Variants in KCNN1 observed in about 807,000 individuals in gnomAD.
The protein encoded by KCNN1 is potassium calcium-activated channel subfamily N member 1, also known as small conductance calcium-activated potassium channel protein 1.
Under a neutral mutation model 44.7 loss-of-function variants are expected in KCNN1, and 20 were observed. The observed-to-expected ratio is 0.45, with a 90% CI of 0.32 to 0.65. The LOEUF (loss-of-function observed/expected upper bound fraction) is 0.65. Among genes scored for constraint, KCNN1 ranks in the 30% least tolerant of loss-of-function variants. The probability of loss-of-function intolerance (pLI) is 0.05; values close to 1 mark genes in which losing one functional copy is unlikely to be tolerated. For missense variants in KCNN1, 632 were observed against 785.3 expected, an observed-to-expected ratio of 0.80 and a Z score of 2.33; for synonymous variants, 324 against 341.7, an observed-to-expected ratio of 0.95 and a Z score of 0.57.
chr19:17,987,311 T>A (rs1424413950), intron 5 of KCNN1, among the ~76,000 whole-genome samples: 2 of 152,102 alleles, frequency 1.3e-5, no homozygotes, highest in Admixed American at 6.5e-5. Context: ...GGTTTCACCA[T>A]GTCGACCAGG....
At chr19:17,952,682 C>T (rs775154967) in intron 1 of KCNN1, among the ~76,000 whole-genome samples, 15 of 152,184 alleles carry the variant, frequency 9.9e-5, no homozygotes, top group Non-Finnish European at 1.5e-4. Context: ...CCGTTGCCCC[C>T]TCCTCCCTCT....
rs778124302 is a variant in KCNN1 at position 17,993,606 on chromosome 19, C to T, written c.1377+47C>T. The T allele has an allele frequency of 1.8e-5, 26 of 1,475,408 alleles. No individual in the cohort carries two copies. The highest frequency in any genetic ancestry group is 9.0e-5 in the East Asian group (4 of 44,340). The allele number at this position is 1,475,408 out of a possible 1,614,324, so 91.4% of individuals were successfully genotyped here. On this transcript the variant is annotated intron_variant, in intron 9 of 9. Coordinates refer to ENST00000684775, the MANE Select transcript of KCNN1 (RefSeq NM_001386974.1). The surrounding 1 kb of genome is among the most constrained non-coding windows in gnomAD (Gnocchi z 4.5). ...GGGCCAGACAGGGCAGGTGGGGCCCCGGAGCAGATGGGATGGGGCTCAGCT... is the reference window on the plus strand; with the variant it reads ...GGGCCAGACAGGGCAGGTGGGGCCCTGGAGCAGATGGGATGGGGCTCAGCT...
intron 2 of KCNN1, among the ~76,000 whole-genome samples, chr19:17,958,429 G>A (rs541738156): frequency 1.6e-4 from 24 of 151,328 alleles, no homozygotes; most frequent in Non-Finnish European, 2.9e-4. Flanking sequence ...AGTGAGCTCT[G>A]ACTGCACCAC....
upstream of KCNN1, among the ~76,000 whole-genome samples, chr19:17,965,093 C>A (rs990521782): frequency 2.1e-4 from 32 of 151,782 alleles, no homozygotes; most frequent in African/African-American, 7.5e-4. Flanking sequence ...GGTGAAACCC[C>A]GTCTCTACTA....
At chr19:17,956,029 C>T (rs1378025169) in intron 2 of KCNN1, among the ~76,000 whole-genome samples, 5 of 152,110 alleles carry the variant, frequency 3.3e-5, no homozygotes, top group Non-Finnish European at 7.4e-5. Flanking sequence ...CTCCACCCCA[C>T]CGGGTTCAAG....
chr19:17,955,674 G>A (rs1780819692), intron 2 of KCNN1, among the ~76,000 whole-genome samples: 1 of 151,730 alleles, frequency 6.6e-6, no homozygotes, highest in Admixed American at 6.6e-5. Flanking sequence ...CCTCCGGGGA[G>A]TTACTGTCCA....
intron 7 of KCNN1, among the ~76,000 whole-genome samples, chr19:17,990,813 A>G (rs988327877): frequency 2.7e-5 from 4 of 150,816 alleles, no homozygotes; most frequent in East Asian, 1.9e-4. Context: ...AAAAAAAAAA[A>G]AGAAAGAAAA....
At chr19:17,979,941 C>G (rs1208336934) in intron 3 of KCNN1, among the ~76,000 whole-genome samples, 1 of 152,054 alleles carries the variant, frequency 6.6e-6, no homozygotes, top group African/African-American at 2.4e-5. Context: ...GGCACCCACA[C>G]CTGGAATCTC....
At chr19:17,988,780 G>A (rs966166949) in intron 6 of KCNN1, among the ~76,000 whole-genome samples, 2 of 151,942 alleles carry the variant, frequency 1.3e-5, no homozygotes, top group South Asian at 4.2e-4. Flanking sequence ...GCATGGTGAC[G>A]GACGCCTGTA....
In KCNN1 at chr19:17,967,219, C is replaced by G. The variant is rs1324520990; in HGVS notation, c.-180C>G. 13 of 979,592 alleles carry G rather than the reference C, an allele frequency of 1.3e-5. No homozygotes were observed. Among genetic ancestry groups the G allele is most frequent in the South Asian group, 4.6e-5 (1 of 21,954 alleles). 60.7% of individuals were successfully genotyped at this position (979,592 alleles called of 1,614,324 possible). A position where few individuals can be genotyped will look rare whatever the true frequency, so the allele number is the denominator to read the frequency against. On this transcript the variant is annotated 5_prime_UTR_variant, in exon 1 of 10. Transcript: ENST00000684775. ...CGCGCCCGCTCGCTGCTGCCCGCCC[C>G]GTCCGCGACCCCGGCTCCGGCTCCC...
chr19:17,973,873 C>T lies in KCNN1; in HGVS notation c.-16C>T, dbSNP rs1390615423. The T allele has an allele frequency of 1.3e-6, 2 of 1,548,654 alleles. No homozygotes were observed. Among genetic ancestry groups the T allele is most frequent in the Non-Finnish European group, 8.7e-7 (1 of 1,148,842 alleles). ...GGGCGGCCTGCAGCGAGCCCAACCC[C>T]TGCACCCAGGTAGTCATGAACAGCC... On this transcript the variant is annotated 5_prime_UTR_variant, in exon 2 of 10. Transcript: ENST00000684775.
chr19:17,990,859 A>G (rs2032769862), intron 7 of KCNN1, among the ~76,000 whole-genome samples: 1 of 151,946 alleles, frequency 6.6e-6, no homozygotes, highest in African/African-American at 2.4e-5. Context: ...TTGATTCCCT[A>G]TGTTGTTTCT....
chr19:17,980,226 TA>T (rs1393590951), intron 3 of KCNN1, among the ~76,000 whole-genome samples: 1 of 120,112 alleles, frequency 8.3e-6, no homozygotes, highest in African/African-American at 3.2e-5. Context: ...CACACCTAGC[TA>T]ATTTTTTTTT....
intron 3 of KCNN1, among the ~76,000 whole-genome samples, chr19:17,980,879 C>G (rs1374628388): frequency 6.6e-6 from 1 of 151,872 alleles, no homozygotes; most frequent in Non-Finnish European, 1.5e-5. Context: ...GCACTCCAGC[C>G]CGGGCACAGA....
chr19:17,961,920 G>C (rs2031691644), intron 2 of KCNN1, among the ~76,000 whole-genome samples: 1 of 143,652 alleles, frequency 7.0e-6, no homozygotes, highest in Admixed American at 6.9e-5. Context: ...TAAGGTCCAA[G>C]GTTCTGGGGA....
upstream of KCNN1, among the ~76,000 whole-genome samples, chr19:17,962,107 G>A (rs547661933): frequency 2.0e-5 from 3 of 152,328 alleles, no homozygotes; most frequent in South Asian, 6.2e-4. Context: ...GTAAAGGAAG[G>A]AGGCTAGAGC....
At chr19:17,955,037 C>CAAA (rs34300645) in intron 2 of KCNN1, among the ~76,000 whole-genome samples, 2 of 96,668 alleles carry the variant, frequency 2.1e-5, no homozygotes, top group East Asian at 2.7e-4. Context: ...AGCTCTGTTT[C>CAAA]AAAAAAAAAA....
At position 17,998,731 on chromosome 19, in the gene KCNN1, G is replaced by A; in HGVS notation, c.*325G>A. 3.7e-6 allele frequency: 1 copy of A among 272,382 alleles called. No homozygotes were observed. The highest frequency in any genetic ancestry group is 6.9e-6 in the Non-Finnish European group (1 of 144,874). The allele number at this position is 272,382 out of a possible 1,614,324, so 16.9% of individuals were successfully genotyped here. A position where few individuals can be genotyped will look rare whatever the true frequency, so the allele number is the denominator to read the frequency against. Reference sequence around the variant, plus strand: ...TAGTGGCTGCCTGTGTGCATGGCTGGAAGGCACTGGTGATGTCCCAGGAGG... The same window carrying A: ...TAGTGGCTGCCTGTGTGCATGGCTGAAAGGCACTGGTGATGTCCCAGGAGG... On this transcript the variant is annotated 3_prime_UTR_variant, in exon 10 of 10. Transcript: ENST00000684775. The surrounding 1 kb of genome is among the most constrained non-coding windows in gnomAD (Gnocchi z 5.4).
Position 17,983,468 on chromosome 19 carries a change from G to A in KCNN1, c.917+1341G>A, listed in dbSNP as rs1433124383. Among the ~76,000 whole-genome samples the A allele has an allele frequency of 6.6e-6, 1 of 152,134 alleles. No individual in the cohort carries two copies. The highest frequency in any genetic ancestry group is 1.5e-5 in the Non-Finnish European group (1 of 67,996). On this transcript the variant is annotated intron_variant, in intron 4 of 9. Coordinates refer to ENST00000684775, the MANE Select transcript of KCNN1 (RefSeq NM_001386974.1). The surrounding 1 kb of genome is among the most constrained non-coding windows in gnomAD (Gnocchi z 4.5). ...TTAAGGCTTCCAGGGCTCTCCTTGG[G>A]CTCTTGATGTTCCCCCATGCAGCTC... is the stretch of plus-strand genomic sequence containing the variant.
Sources: gnomAD v4.1 joint callset for allele counts (sites outside exome capture counted in the v4.1 genomes callset) on GRCh38, gnomAD v4.1.1 for gene constraint, Gnocchi (gnomAD v3.1) non-coding constraint, MANE v1.5 for transcripts, NCBI Gene and HGNC (gene_info 2026-07-23, HGNC 2026-07-21) for gene names.